Variants in TYW1B observed in about 807,000 individuals in gnomAD.
TYW1B encodes S-adenosyl-L-methionine-dependent tRNA 4-demethylwyosine synthase TYW1B.
A neutral mutation model predicts 86.9 loss-of-function variants in TYW1B; 73 were observed. That is an observed-to-expected ratio of 0.84 (90% CI 0.70 to 1.02). TYW1B has a LOEUF of 1.02. Ranked by LOEUF, TYW1B falls within the 50% of genes least tolerant of loss-of-function variation. The pLI, the probability that TYW1B is intolerant of heterozygous loss-of-function variation, is 0.00. For synonymous variants in TYW1B, 248 were observed against 292.8 expected, an observed-to-expected ratio of 0.85 and a Z score of 1.56; for missense variants, 637 against 827.4, an observed-to-expected ratio of 0.77 and a Z score of 2.82.
intron 7 of TYW1B, among the ~76,000 whole-genome samples, chr7:72,759,839 T>A (rs1057217415): frequency 2.0e-5 from 3 of 152,172 alleles, no homozygotes; most frequent in Non-Finnish European, 4.4e-5. Flanking sequence ...AATATAAATT[T>A]AGGTTTGCCT....
intron 6 of TYW1B, among the ~76,000 whole-genome samples, chr7:72,788,686 C>T (rs1291250813): frequency 6.6e-6 from 1 of 152,120 alleles, no homozygotes; most frequent in Non-Finnish European, 1.5e-5. Flanking sequence ...GCATGCGCCA[C>T]CATACCCGGC....
chr7:72,635,946 G>C lies in TYW1B; in HGVS notation c.1507-6949C>G, dbSNP rs570645916. Among the ~76,000 whole-genome samples, 61 of 152,256 alleles carry C rather than the reference G, an allele frequency of 4.0e-4. 1 individual carries two copies. The highest frequency in any genetic ancestry group is 1.4e-3 in the African/African-American group (58 of 41,560). ...AAGTGTAGTCTTTGAATTCCAATGC[G>C]CAGCACGGCTCAATTCAGGGTAGCC... On this transcript the variant is annotated intron_variant, in intron 11 of 13. Transcript: ENST00000620995.
At chr7:72,580,455 T>C (rs1396080926) in intron 13 of TYW1B, among the ~76,000 whole-genome samples, 1 of 152,112 alleles carries the variant, frequency 6.6e-6, no homozygotes, top group Non-Finnish European at 1.5e-5. Flanking sequence ...CTATGCAGAA[T>C]TACAAATAAA....
At chr7:72,639,859 C>CGAAG (rs1222908574) in intron 11 of TYW1B, among the ~76,000 whole-genome samples, 1 of 125,568 alleles carries the variant, frequency 8.0e-6, no homozygotes, top group Non-Finnish European at 1.6e-5. Context: ...GAGTGAGACT[C>CGAAG]CATCTCAAAA....
chr7:72,709,194 G>A (rs1325243287), intron 10 of TYW1B, among the ~76,000 whole-genome samples: 2 of 152,080 alleles, frequency 1.3e-5, no homozygotes, highest in South Asian at 2.1e-4. Context: ...TTCTAGATAG[G>A]TATTTCAATG....
chr7:72,774,779 G>C (rs1156388596), intron 7 of TYW1B, among the ~76,000 whole-genome samples: 1 of 151,966 alleles, frequency 6.6e-6, no homozygotes, highest in East Asian at 1.9e-4. Context: ...TACCTAATAA[G>C]GTAAAATTAG....
intron 7 of TYW1B, among the ~76,000 whole-genome samples, chr7:72,757,043 A>C (rs912569602): frequency 6.6e-6 from 1 of 152,150 alleles, no homozygotes; most frequent in African/African-American, 2.4e-5. Context: ...GGAAATGAAT[A>C]AAAACGTATC....
intron 7 of TYW1B, among the ~76,000 whole-genome samples, chr7:72,774,381 G>GAAAAAA (rs35641958): frequency 8.0e-6 from 1 of 124,916 alleles, no homozygotes; most frequent in South Asian, 2.5e-4. Flanking sequence ...TGTCCCAGGG[G>GAAAAAA]AAAAAAAAAA....
chr7:72,639,747 T>G (rs1223606116), intron 11 of TYW1B, among the ~76,000 whole-genome samples: 3 of 150,476 alleles, frequency 2.0e-5, no homozygotes, highest in Non-Finnish European at 4.4e-5. Flanking sequence ...GCACCTGTAA[T>G]CCCAGCTACT....
At position 72,628,971 on chromosome 7, in the gene TYW1B, C is replaced by T. The variant is rs1281229403; in HGVS notation, c.1533G>A (p.Met511Ile). Residue 511 changes from methionine (M) to isoleucine (I), a missense_variant, in exon 12 of 14, where the codon ATG becomes ATA. Transcript: ENST00000620995. ...CGTCCACGTTCCATGCTTTCACGAGCATCAGTCTGTAGACAGTTCGTTGTT... is the reference window on the plus strand; with the variant it reads ...CGTCCACGTTCCATGCTTTCACGAGTATCAGTCTGTAGACAGTTCGTTGTT... ...VKQQRTVYRL[M>I]LVKAWNVDEL... 1.3e-6 allele frequency: 2 copies of T among 1,583,564 alleles called. No homozygotes were observed. The highest frequency in any genetic ancestry group is 1.7e-6 in the Non-Finnish European group (2 of 1,165,312).
At position 72,807,897 on chromosome 7, in the gene TYW1B, G is replaced by A. The variant is rs147859360; in HGVS notation, c.433-541C>T. Among the ~76,000 whole-genome samples the A allele has an allele frequency of 1.2e-3, 181 of 152,192 alleles. 3 individuals are homozygous for A. In the East Asian group the frequency reaches 0.034, roughly 28 times the overall value. On this transcript the variant is annotated intron_variant, in intron 4 of 13. Coordinates refer to ENST00000620995, the MANE Select transcript of TYW1B (RefSeq NM_001145440.3). The stretch of plus-strand genomic sequence containing the variant: ...ACTTAATAAGCTTCCTGAGTGGCAA[G>A]GCATTAAACAAAATATTTACATATC...
chr7:72,806,238 T>G (rs1470687964), intron 5 of TYW1B, among the ~76,000 whole-genome samples: 8 of 7,160 alleles, frequency 1.1e-3, no homozygotes, highest in East Asian at 7.6e-3. Flanking sequence ...TGTGTGTGGG[T>G]TTTTTTTTTT....
chr7:72,655,752 C>A (rs1158507091), intron 11 of TYW1B, among the ~76,000 whole-genome samples: 1 of 152,224 alleles, frequency 6.6e-6, no homozygotes, highest in Non-Finnish European at 1.5e-5. Flanking sequence ...CCTGCATACA[C>A]CTTCAGGTGC....
chr7:72,673,464 C>T (rs546855103), intron 11 of TYW1B, among the ~76,000 whole-genome samples: 2 of 151,656 alleles, frequency 1.3e-5, no homozygotes, highest in African/African-American at 2.4e-5. Context: ...GATGGAACTG[C>T]AGGTCATTAT....
At chr7:72,619,597 C>T (rs371009018) in intron 12 of TYW1B, among the ~76,000 whole-genome samples, 6 of 148,386 alleles carry the variant, frequency 4.0e-5, no homozygotes, top group African/African-American at 7.4e-5. Flanking sequence ...GCCGAGATTG[C>T]GCCACTGCAG....
intron 8 of TYW1B, among the ~76,000 whole-genome samples, chr7:72,742,078 A>G (rs542085555): frequency 6.6e-6 from 1 of 152,308 alleles, no homozygotes; most frequent in Non-Finnish European, 1.5e-5. Context: ...ACATAGGTAA[A>G]TACAAAAGTC....
At chr7:72,682,581 A>G (rs2960946) in intron 11 of TYW1B, among the ~76,000 whole-genome samples, 87,793 of 152,082 alleles carry the variant, frequency 0.58, 26,395 homozygotes, top group Non-Finnish European at 0.67. Flanking sequence ...ATTAACCCCT[A>G]CGAGCCTTCT....
At chr7:72,649,360 C>T (rs192014525) in intron 11 of TYW1B, among the ~76,000 whole-genome samples, 10 of 152,250 alleles carry the variant, frequency 6.6e-5, no homozygotes, top group African/African-American at 2.4e-4. Context: ...AAAACCACCA[C>T]CACAAGATGA....
At chr7:72,591,177 G>A (rs1811387052) in intron 13 of TYW1B, among the ~76,000 whole-genome samples, 1 of 151,944 alleles carries the variant, frequency 6.6e-6, no homozygotes, top group Non-Finnish European at 1.5e-5. Flanking sequence ...GAAAAAAAGT[G>A]AACAGAGATT....
Sources: gnomAD v4.1 joint callset for allele counts (sites outside exome capture counted in the v4.1 genomes callset) on GRCh38, gnomAD v4.1.1 for gene constraint, MANE v1.5 for transcripts, NCBI Gene and HGNC (gene_info 2026-07-23, HGNC 2026-07-21) for gene names.